Variants in ITGB1BP1 observed in about 807,000 individuals in gnomAD.
ITGB1BP1 encodes the protein integrin beta-1-binding protein 1.
ITGB1BP1 carries 20 observed loss-of-function variants against 28.0 expected under a neutral mutation model. The ratio of observed to expected loss-of-function variants is 0.71; its 90% CI spans 0.50 to 1.04. ITGB1BP1 has a LOEUF of 1.04. Among genes scored for constraint, ITGB1BP1 ranks in the 50% least tolerant of loss-of-function variants. The pLI, the probability that ITGB1BP1 is intolerant of heterozygous loss-of-function variation, is 0.00. For synonymous variants in ITGB1BP1, 103 were observed against 89.5 expected, an observed-to-expected ratio of 1.15 and a Z score of -0.85; for missense variants, 228 against 242.5, an observed-to-expected ratio of 0.94 and a Z score of 0.40.
intron 4 of ITGB1BP1, among the ~76,000 whole-genome samples, chr2:9,408,659 G>C (rs1031984864): frequency 1.3e-5 from 2 of 151,980 alleles, no homozygotes; most frequent in Non-Finnish European, 2.9e-5. Flanking sequence ...TTTTTAAATC[G>C]AGGTGGGATC....
At chr2:9,423,237 C>T in intron 1 of ITGB1BP1, 136 bp downstream of exon 1, 1 of 1,135,690 alleles carries the variant, frequency 8.8e-7, no homozygotes, top group Non-Finnish European at 1.1e-6. Flanking sequence ...GAACCAAGCC[C>T]GAGCCCAGGC....
Position 9,406,069 on chromosome 2 carries a change from C to G in ITGB1BP1, c.*765G>C, listed in dbSNP as rs901187021. 15 of 122,404 alleles carry G rather than the reference C, an allele frequency of 1.2e-4. No homozygotes were observed. The highest frequency in any genetic ancestry group is 1.6e-4 in the Admixed American group (2 of 12,340). 7.6% of individuals were successfully genotyped at this position (122,404 alleles called of 1,614,324 possible). ...GACCTCTGTGACATCTCGTCTTCCT[C>G]AGGCCTTCAGTGTGTGTTTGTCACT... On this transcript the variant is annotated 3_prime_UTR_variant, in exon 7 of 7. Coordinates refer to ENST00000355346, the MANE Select transcript of ITGB1BP1 (RefSeq NM_004763.5).
At chr2:9,414,069 G>T (rs1403153871) in intron 3 of ITGB1BP1, 109 bp downstream of exon 3, 1 of 913,128 alleles carries the variant, frequency 1.1e-6, no homozygotes, top group East Asian at 2.4e-5. Context: ...AGTGGCAAAG[G>T]AGAGGAAGAA....
At chr2:9,423,147 A>C (rs962365280) in intron 1 of ITGB1BP1, 4 of 1,010,348 alleles carry the variant, frequency 4.0e-6, no homozygotes, top group Admixed American at 1.2e-4. Context: ...CGGCTCGGGA[A>C]GCTGCAGTCC....
At chr2:9,422,639 C>T (rs1364860738) in intron 1 of ITGB1BP1, 70 of 985,514 alleles carry the variant, frequency 7.1e-5, no homozygotes, top group Non-Finnish European at 8.3e-5. Context: ...AGCTCGGTGA[C>T]TCCTCTGCAT....
At chr2:9,422,498 G>A in intron 1 of ITGB1BP1, 1 of 985,570 alleles carries the variant, frequency 1.0e-6, no homozygotes, top group Non-Finnish European at 1.2e-6. Flanking sequence ...CCCGTTTCAG[G>A]CTGCAGGCCT....
At chr2:9,407,361 G>A in intron 6 of ITGB1BP1, 88 bp downstream of exon 6, 2 of 1,411,150 alleles carry the variant, frequency 1.4e-6, no homozygotes, top group East Asian at 2.3e-5. Context: ...ATATATAATG[G>A]ATTGTATTTC....
chr2:9,418,848 C>T (rs1679465812), intron 1 of ITGB1BP1, 116 bp from the exon 2 acceptor site: 8 of 718,528 alleles, frequency 1.1e-5, no homozygotes, highest in Middle Eastern at 2.6e-4. Flanking sequence ...ACAAACATGG[C>T]TCTGCAGTCT....
chr2:9,419,463 G>C (rs759831950), intron 1 of ITGB1BP1, among the ~76,000 whole-genome samples: 12 of 152,142 alleles, frequency 7.9e-5, no homozygotes, highest in Non-Finnish European at 1.6e-4. Flanking sequence ...CATTTTTCTT[G>C]AAGTTTTGAA....
chr2:9,409,570 G>A (rs1678028924), intron 4 of ITGB1BP1, among the ~76,000 whole-genome samples: 1 of 152,160 alleles, frequency 6.6e-6, no homozygotes, highest in African/African-American at 2.4e-5. Context: ...TTATGGTTAA[G>A]ACCACACTGA....
At chr2:9,408,256 CTT>C (rs1677816737) in intron 4 of ITGB1BP1, 51 bp from the exon 5 acceptor site, 1 of 1,141,218 alleles carries the variant, frequency 8.8e-7, no homozygotes, top group African/African-American at 1.5e-5. Context: ...ACATAATAGT[CTT>C]AAGTCTGACT....
chr2:9,419,565 G>A (rs59681680), intron 1 of ITGB1BP1, among the ~76,000 whole-genome samples: 4,118 of 152,222 alleles, frequency 0.027, 183 homozygotes, highest in African/African-American at 0.095. Context: ...AGATGACCTT[G>A]CCTCCCAGAG....
At chr2:9,423,064 C>T in intron 1 of ITGB1BP1, 8 of 997,686 alleles carry the variant, frequency 8.0e-6, no homozygotes, top group South Asian at 4.0e-5. Flanking sequence ...CGGGAGGCGG[C>T]CGAAGCGGGG....
rs543835095 is a variant in ITGB1BP1 at position 9,403,865 on chromosome 2, A to C, written c.*2969T>G. On this transcript the variant is annotated 3_prime_UTR_variant, in exon 7 of 7. Transcript: ENST00000355346. ...GCAACTTGGAAATTTACACATTAGC[A>C]TTGTACTTTCTAGCCCTAATTTGTG... The C allele has an allele frequency of 6.5e-6, 1 of 154,950 alleles. No individual in the cohort carries two copies. Among genetic ancestry groups the C allele is most frequent in the South Asian group, 2.0e-4 (1 of 4,976 alleles). 9.6% of individuals were successfully genotyped at this position (154,950 alleles called of 1,614,324 possible). A position where few individuals can be genotyped will look rare whatever the true frequency, so the allele number is the denominator to read the frequency against.
intron 4 of ITGB1BP1, among the ~76,000 whole-genome samples, chr2:9,411,222 C>T (rs1037188291): frequency 1.3e-5 from 2 of 151,992 alleles, no homozygotes; most frequent in Non-Finnish European, 2.9e-5. Flanking sequence ...TGAAACCCAC[C>T]TCATCTCAAT....
At chr2:9,407,285 A>T in intron 6 of ITGB1BP1, 164 bp downstream of exon 6, 1 of 725,616 alleles carries the variant, frequency 1.4e-6, no homozygotes, top group Non-Finnish European at 2.3e-6. Context: ...ACAAACCTGC[A>T]CTGTCTTGCC....
Position 9,405,476 on chromosome 2 carries a change from A to G in ITGB1BP1, c.*1358T>C, listed in dbSNP as rs1677143500. The G allele has an allele frequency of 6.6e-6, 1 of 152,650 alleles. No individual in the cohort carries two copies. Among genetic ancestry groups the G allele is most frequent in the African/African-American group, 2.4e-5 (1 of 41,464 alleles). The allele number at this position is 152,650 out of a possible 1,614,324, so 9.5% of individuals were successfully genotyped here. On this transcript the variant is annotated 3_prime_UTR_variant, in exon 7 of 7. Coordinates refer to ENST00000355346, the MANE Select transcript of ITGB1BP1 (RefSeq NM_004763.5). ...GGGTGGATAACATAATATGCAGCTTAGGATGCTATTTTGAGATGTATGATA... is the reference window on the plus strand; with the variant it reads ...GGGTGGATAACATAATATGCAGCTTGGGATGCTATTTTGAGATGTATGATA...
chr2:9,412,183 C>T, intron 4 of ITGB1BP1, 86 bp downstream of exon 4: 1 of 1,196,846 alleles, frequency 8.4e-7, no homozygotes, highest in Non-Finnish European at 1.2e-6. Flanking sequence ...CCCAGTGGAC[C>T]CGAGGAGTGA....
chr2:9,422,436 C>A lies in ITGB1BP1; in HGVS notation c.-36+937G>T, dbSNP rs944323661. 25 of 985,612 alleles carry A rather than the reference C, an allele frequency of 2.5e-5. 1 individual carries two copies. The South Asian group carries it at 1.0e-3, about 41-fold the overall frequency. The allele number at this position is 985,612 out of a possible 1,614,324, so 61.1% of individuals were successfully genotyped here. A position where few individuals can be genotyped will look rare whatever the true frequency, so the allele number is the denominator to read the frequency against. ...CTCCACGCGCCCCTGCTTTGCACCG[C>A]CCGGGACGTCCTTCACCTGTCAGGC... is the stretch of plus-strand genomic sequence containing the variant. On this transcript the variant is annotated intron_variant, in intron 1 of 6. Transcript: ENST00000355346.
Sources: gnomAD v4.1 joint callset for allele counts (sites outside exome capture counted in the v4.1 genomes callset) on GRCh38, gnomAD v4.1.1 for gene constraint, MANE v1.5 for transcripts, NCBI Gene and HGNC (gene_info 2026-07-23, HGNC 2026-07-21) for gene names.